The following SLC4A10 variants were observed in gnomAD, a reference collection of about 807,000 sequenced individuals.
SLC4A10 encodes the protein sodium-driven chloride bicarbonate exchanger.
A neutral mutation model predicts 137.7 loss-of-function variants in SLC4A10; 42 were observed. The observed-to-expected ratio is 0.30, with a 90% CI of 0.24 to 0.39. SLC4A10 has a LOEUF of 0.39. Ranked by LOEUF, SLC4A10 falls within the 10% of genes least tolerant of loss-of-function variation. The pLI, the probability that SLC4A10 is intolerant of heterozygous loss-of-function variation, is 1.00. For synonymous variants in SLC4A10, 474 were observed against 464.1 expected (o/e 1.02, Z -0.27); for missense variants, 925 against 1,355.0 (o/e 0.68, Z 4.98).
At chr2:161,979,699 G>C (rs1352002014) in intron 26 of SLC4A10, among the ~76,000 whole-genome samples, 1 of 152,118 alleles carries the variant, frequency 6.6e-6, no homozygotes, top group Non-Finnish European at 1.5e-5. Context: ...ACCAGGAACT[G>C]TGAAAATTTA....
intron 3 of SLC4A10, among the ~76,000 whole-genome samples, chr2:161,818,276 C>T (rs2057297635): frequency 1.3e-5 from 2 of 152,100 alleles, no homozygotes; most frequent in South Asian, 4.1e-4. Flanking sequence ...ATTTGGCTCT[C>T]TGTTTGTCTG....
chr2:161,850,108 A>G (rs998728533), intron 4 of SLC4A10, among the ~76,000 whole-genome samples: 12 of 152,156 alleles, frequency 7.9e-5, no homozygotes, highest in African/African-American at 2.9e-4. Flanking sequence ...CTTTCTGGTT[A>G]GGCCAGGTAC....
At chr2:161,783,080 A>AGGGAAAAGTTACTTGTCG (rs2053233175) in intron 2 of SLC4A10, among the ~76,000 whole-genome samples, 1 of 152,024 alleles carries the variant, frequency 6.6e-6, no homozygotes, top group African/African-American at 2.4e-5. Context: ...AAAAGCAACA[A>AGGGAAAAGTTACTTGTCG]GGGAAAAGTT....
chr2:161,753,748 A>G (rs1199353395), intron 1 of SLC4A10, among the ~76,000 whole-genome samples: 2 of 152,118 alleles, frequency 1.3e-5, no homozygotes, highest in African/African-American at 4.8e-5. Flanking sequence ...TATAAATTGC[A>G]GGCAGAGATT....
intron 1 of SLC4A10, chr2:161,708,644 T>C: frequency 2.7e-6 from 4 of 1,461,086 alleles, no homozygotes; most frequent in Non-Finnish European, 9.0e-7. Context: ...TGATGATGGC[T>C]TAAACAGATA....
At chr2:161,649,752 T>C (rs1234059454) in intron 1 of SLC4A10, among the ~76,000 whole-genome samples, 3 of 152,094 alleles carry the variant, frequency 2.0e-5, no homozygotes, top group East Asian at 3.9e-4. Flanking sequence ...TTCTCTCATA[T>C]GTATTATATA....
In SLC4A10 at chr2:161,983,986, TAA is replaced by T. The variant is rs893608359; in HGVS notation, c.*835_*836del. The T allele has an allele frequency of 1.3e-5, 2 of 152,228 alleles. No individual in the cohort carries two copies. The highest frequency in any genetic ancestry group is 2.4e-5 in the African/African-American group (1 of 41,470). 9.4% of individuals were successfully genotyped at this position (152,228 alleles called of 1,614,324 possible). On this transcript the variant is annotated 3_prime_UTR_variant, in exon 27 of 27. Transcript: ENST00000446997. ...ATATAAACCTTTATCAGAAATATAC[TAA>T]GTTTGTCTCCCACTGACAACAGATG...
chr2:161,896,849 G>T (rs538734866), intron 11 of SLC4A10, among the ~76,000 whole-genome samples: 1 of 152,132 alleles, frequency 6.6e-6, no homozygotes, highest in African/African-American at 2.4e-5. Flanking sequence ...CATATGCCTG[G>T]AAAGATTTTA....
intron 15 of SLC4A10, among the ~76,000 whole-genome samples, chr2:161,932,679 C>G (rs921733703): frequency 5.9e-5 from 9 of 152,180 alleles, no homozygotes; most frequent in African/African-American, 1.9e-4. Context: ...CTTCAGGATT[C>G]ACCTGATCTG....
At position 161,977,228 on chromosome 2, in the gene SLC4A10, T is replaced by G. The variant is rs987388295; in HGVS notation, c.3344+352T>G. ...TTGCACTCCTTTATTTTCCCTTTTT[T>G]AGACTGATATGCACTGTGTGTATTT... On this transcript the variant is annotated intron_variant, in intron 25 of 26. Transcript: ENST00000446997. 3.5e-4 allele frequency: 104 copies of G among 297,042 alleles called. 1 individual carries two copies. The highest frequency in any genetic ancestry group is 2.3e-3 in the Middle Eastern group (2 of 882). 18.4% of individuals were successfully genotyped at this position (297,042 alleles called of 1,614,324 possible).
intron 3 of SLC4A10, among the ~76,000 whole-genome samples, chr2:161,837,724 G>T (rs2058906683): frequency 6.6e-6 from 1 of 152,162 alleles, no homozygotes; most frequent in Admixed American, 6.5e-5. Context: ...AAAAAGTGTG[G>T]TATTGTCAAA....
In SLC4A10 at chr2:161,729,608, A is replaced by G. The variant is rs1187591120; in HGVS notation, c.49-41365A>G. 1.8e-4 allele frequency among the ~76,000 whole-genome samples: 27 copies of G among 150,580 alleles called. No individual in the cohort carries two copies. In the Middle Eastern group the frequency reaches 0.01, roughly 57 times the overall value. On this transcript the variant is annotated intron_variant, in intron 1 of 26. Transcript: ENST00000446997. ...AAAATGTTTGACTATAAGTTTTAAA[A>G]TAAAGCGAATTTTTTTTTCACAGAG...
At chr2:161,981,771 G>C (rs775813414) in intron 26 of SLC4A10, among the ~76,000 whole-genome samples, 2 of 152,212 alleles carry the variant, frequency 1.3e-5, no homozygotes, top group Non-Finnish European at 2.9e-5. Flanking sequence ...GAAAAGAAAA[G>C]GGAGGAAAGT....
chr2:161,658,876 C>T (rs924119970), intron 1 of SLC4A10, among the ~76,000 whole-genome samples: 4 of 152,038 alleles, frequency 2.6e-5, no homozygotes, highest in Admixed American at 1.3e-4. Flanking sequence ...CAGGCATGAG[C>T]CACCGAGCCT....
chr2:161,642,690 G>A (rs1251478605), intron 1 of SLC4A10, among the ~76,000 whole-genome samples: 2 of 151,922 alleles, frequency 1.3e-5, no homozygotes, highest in East Asian at 1.9e-4. Flanking sequence ...AAGAAATGCA[G>A]TAGGAATTCA....
intron 1 of SLC4A10, among the ~76,000 whole-genome samples, chr2:161,660,593 T>TTCCTTTCC (rs2038203548): frequency 8.6e-6 from 1 of 115,956 alleles, no homozygotes; most frequent in African/African-American, 2.7e-5. Flanking sequence ...TCTTTCTTTC[T>TTCCTTTCC]TTCTTTCTTT....
intron 15 of SLC4A10, among the ~76,000 whole-genome samples, chr2:161,924,593 A>G (rs1688732501): frequency 6.6e-6 from 1 of 152,092 alleles, no homozygotes; most frequent in African/African-American, 2.4e-5. Flanking sequence ...CATATTTTCC[A>G]CTTTGGAATT....
intron 1 of SLC4A10, among the ~76,000 whole-genome samples, chr2:161,641,910 G>C (rs2035376990): frequency 6.6e-6 from 1 of 151,936 alleles, no homozygotes; most frequent in South Asian, 2.1e-4. Flanking sequence ...CATTTAGAAG[G>C]TATTGATTCA....
At position 161,870,155 on chromosome 2, in the gene SLC4A10, ATAT is replaced by A. The variant is rs1311499685; in HGVS notation, c.767-2135_767-2133del. ...TATATTATTATAATTATTACATAAAATATTAATTATTAATTACTGTAATTATTT... is the reference window on the plus strand; with the variant it reads ...TATATTATTATAATTATTACATAAAATAATTATTAATTACTGTAATTATTT... On this transcript the variant is annotated intron_variant, in intron 6 of 26. Coordinates refer to ENST00000446997, the MANE Select transcript of SLC4A10 (RefSeq NM_001178015.2). Among the ~76,000 whole-genome samples the A allele has an allele frequency of 7.3e-5, 11 of 151,276 alleles. No individual in the cohort carries two copies. In the East Asian group the frequency reaches 1.2e-3, roughly 16 times the overall value.
Sources: gnomAD v4.1 joint callset for allele counts (sites outside exome capture counted in the v4.1 genomes callset) on GRCh38, gnomAD v4.1.1 for gene constraint, MANE v1.5 for transcripts, NCBI Gene and HGNC (gene_info 2026-07-23, HGNC 2026-07-21) for gene names.